NAV3: variants seen among roughly 807,000 people sequenced by gnomAD.
NAV3 encodes the protein neuron navigator 3.
NAV3 carries 87 observed loss-of-function variants against 244.7 expected under a neutral mutation model. The ratio of observed to expected loss-of-function variants is 0.36; its 90% CI spans 0.30 to 0.42. The LOEUF is 0.42. Among genes scored for constraint, NAV3 ranks in the 20% least tolerant of loss-of-function variants. The pLI is 1.00. For synonymous variants in NAV3, 1,126 were observed against 1,042.2 expected (o/e 1.08, Z -1.55); for missense variants, 2,663 against 2,893.3 (o/e 0.92, Z 1.83).
chr12:77,881,024 A>C (rs1445554628), intron 1 of NAV3, among the ~76,000 whole-genome samples: 2 of 152,174 alleles, frequency 1.3e-5, no homozygotes, highest in Non-Finnish European at 2.9e-5. Context: ...ACAGCTATTC[A>C]CAAGAACCAT....
At chr12:77,902,161 A>G (rs909340354) in intron 1 of NAV3, among the ~76,000 whole-genome samples, 1 of 152,266 alleles carries the variant, frequency 6.6e-6, no homozygotes, top group Non-Finnish European at 1.5e-5. Flanking sequence ...GTAGTGGAAC[A>G]TCTCTTAATT....
chr12:78,118,271 C>T lies in NAV3; in HGVS notation c.3014C>T (p.Ala1005Val), dbSNP rs549035690. The T allele has an allele frequency of 6.2e-7, 1 of 1,610,202 alleles. No homozygotes were observed. Among genetic ancestry groups the T allele is most frequent in the Admixed American group, 1.7e-5 (1 of 59,778 alleles). Residue 1005 changes from alanine (A) to valine (V), a missense_variant, in exon 14 of 40, where the codon GCT (alanine) becomes GTT (valine). Physicochemically the swap from Ala to Val is moderately conservative, Grantham distance 64. Transcript: ENST00000397909. ...GGAGGGGCGCCATCTAGGCAGAAAG[C>T]TGGAACAAGTGCACTCAAAACACCC... ...AQGGAPSRQKAGTSALKTPGK... is the reference protein window; with the variant it reads ...AQGGAPSRQKVGTSALKTPGK...
intron 2 of NAV3, among the ~76,000 whole-genome samples, chr12:77,629,900 A>G (rs1480364116): frequency 6.6e-6 from 1 of 152,172 alleles, no homozygotes; most frequent in Non-Finnish European, 1.5e-5. Flanking sequence ...AGTCCTTGAT[A>G]GGGTACTGCA....
intron 1 of NAV3, among the ~76,000 whole-genome samples, chr12:77,930,301 T>C (rs1773433540): frequency 6.6e-6 from 1 of 152,192 alleles, no homozygotes; most frequent in Non-Finnish European, 1.5e-5. Flanking sequence ...CATGTAAATA[T>C]TATTCACTAC....
chr12:78,196,216 G>A (rs1259942450), intron 34 of NAV3, among the ~76,000 whole-genome samples: 1 of 151,842 alleles, frequency 6.6e-6, no homozygotes, highest in Non-Finnish European at 1.5e-5. Flanking sequence ...TATGTGATTA[G>A]CTCAATAGAA....
chr12:77,668,988 C>G (rs566443402), intron 2 of NAV3, among the ~76,000 whole-genome samples: 1 of 152,274 alleles, frequency 6.6e-6, no homozygotes, highest in South Asian at 2.1e-4. Context: ...GAATGGGGTC[C>G]TATTTTTATC....
intron 1 of NAV3, among the ~76,000 whole-genome samples, chr12:77,876,223 T>C (rs1251904111): frequency 1.3e-5 from 2 of 152,152 alleles, no homozygotes; most frequent in Middle Eastern, 3.4e-3. Context: ...CCCTCCATAT[T>C]TGATGATTAT....
chr12:77,986,375 A>G (rs1255513984), intron 5 of NAV3, among the ~76,000 whole-genome samples: 1 of 152,182 alleles, frequency 6.6e-6, no homozygotes, highest in African/African-American at 2.4e-5. Flanking sequence ...TAATAATAAT[A>G]ATATTTGTAG....
chr12:77,666,543 G>T (rs1014515974), intron 2 of NAV3, among the ~76,000 whole-genome samples: 1 of 152,006 alleles, frequency 6.6e-6, no homozygotes, highest in Non-Finnish European at 1.5e-5. Context: ...TTAATTTAAC[G>T]CATTCTGAGA....
At chr12:77,995,764 G>A (rs1295162364) in intron 6 of NAV3, among the ~76,000 whole-genome samples, 1 of 152,018 alleles carries the variant, frequency 6.6e-6, no homozygotes, top group Non-Finnish European at 1.5e-5. Context: ...AATTTTAAAA[G>A]GTATTTAATT....
chr12:77,843,200 T>G (rs75596632), intron 1 of NAV3, among the ~76,000 whole-genome samples: 2,039 of 152,326 alleles, frequency 0.013, 40 homozygotes, highest in African/African-American at 0.047. Context: ...CACACTTGTG[T>G]GTTGCCTTCC....
chr12:77,663,171 G>A (rs1311238479), intron 2 of NAV3, among the ~76,000 whole-genome samples: 3 of 152,068 alleles, frequency 2.0e-5, no homozygotes, highest in Non-Finnish European at 4.4e-5. Context: ...TTAACTAGGA[G>A]AATATTTTTT....
chr12:78,028,236 C>T (rs926837990), intron 9 of NAV3, among the ~76,000 whole-genome samples: 3 of 152,068 alleles, frequency 2.0e-5, no homozygotes, highest in Admixed American at 6.6e-5. Context: ...ACACATGCCA[C>T]TTAATGGTAT....
intron 2 of NAV3, among the ~76,000 whole-genome samples, chr12:77,706,641 C>T (rs1027388158): frequency 9.3e-5 from 14 of 150,982 alleles, no homozygotes; most frequent in Admixed American, 2.6e-4. Flanking sequence ...GAGGCTGAGG[C>T]GGGCGGATCA....
At chr12:77,787,203 A>G (rs541373228) in intron 2 of NAV3, among the ~76,000 whole-genome samples, 1 of 152,192 alleles carries the variant, frequency 6.6e-6, no homozygotes, top group South Asian at 2.1e-4. Context: ...TGACCAACAT[A>G]TTTTACTGGT....
intron 2 of NAV3, among the ~76,000 whole-genome samples, chr12:77,695,119 T>G (rs1169908952): frequency 6.6e-6 from 1 of 152,216 alleles, no homozygotes; most frequent in Non-Finnish European, 1.5e-5. Flanking sequence ...TTCACTTTTT[T>G]GATTATATCC....
chr12:78,009,438 G>A (rs1874841618), intron 8 of NAV3, among the ~76,000 whole-genome samples: 1 of 70,264 alleles, frequency 1.4e-5, no homozygotes, highest in African/African-American at 4.9e-5. Flanking sequence ...GTAACAAGAG[G>A]GAAACTCAAA....
intron 2 of NAV3, among the ~76,000 whole-genome samples, chr12:77,735,228 G>A (rs1206287062): frequency 6.6e-6 from 1 of 152,034 alleles, no homozygotes; most frequent in East Asian, 1.9e-4. Context: ...GATACATATT[G>A]AAAATGAGTC....
chr12:77,665,156 A>C (rs1369033670), intron 2 of NAV3, among the ~76,000 whole-genome samples: 1 of 152,128 alleles, frequency 6.6e-6, no homozygotes, highest in Non-Finnish European at 1.5e-5. Flanking sequence ...TAGTTTATAA[A>C]CCCCTGGAAC....
Sources: allele counts gnomAD v4.1 joint callset (sites outside exome capture counted in the v4.1 genomes callset), GRCh38; gene constraint gnomAD v4.1.1; transcripts MANE v1.5; gene names NCBI Gene and HGNC (gene_info 2026-07-23, HGNC 2026-07-21).